The following CDCA7 variants were observed in gnomAD, a reference collection of about 807,000 sequenced individuals.
CDCA7 encodes cell division cycle-associated protein 7.
Under a neutral mutation model 54.0 loss-of-function variants are expected in CDCA7, and 28 were observed. That is an observed-to-expected ratio of 0.52 (90% CI 0.38 to 0.71). The LOEUF is 0.71. Among genes scored for constraint, CDCA7 ranks in the 30% least tolerant of loss-of-function variants. CDCA7 has a pLI of 0.00. For synonymous variants in CDCA7, 180 were observed against 208.2 expected (o/e 0.86, Z 1.16); for missense variants, 484 against 586.0 (o/e 0.83, Z 1.80).
In CDCA7 at chr2:173,366,445, C is replaced by T. The variant is rs375428799; in HGVS notation, c.1185+13C>T. The T allele has an allele frequency of 3.8e-5, 61 of 1,613,282 alleles. No homozygotes were observed. Among genetic ancestry groups the T allele is most frequent in the Non-Finnish European group, 4.9e-5 (58 of 1,179,604 alleles). On this transcript the variant is annotated intron_variant, in intron 8 of 9. Transcript: ENST00000306721. The surrounding 1 kb of genome is among the most constrained non-coding windows in gnomAD (Gnocchi z 4.5). Reference sequence around the variant, plus strand: ...TCTGCTGGATCCGGTAGGTGCCTGCCAGGGGTTGGTCCTGTGGGCTTGAAG... The same window carrying T: ...TCTGCTGGATCCGGTAGGTGCCTGCTAGGGGTTGGTCCTGTGGGCTTGAAG...
chr2:173,357,567 G>A (rs1686533257), intron 1 of CDCA7, among the ~76,000 whole-genome samples: 1 of 152,190 alleles, frequency 6.6e-6, no homozygotes, highest in Non-Finnish European at 1.5e-5. Context: ...TGAAGTAGAG[G>A]TCCTGCCCAG....
At chr2:173,359,698 C>T (rs769840371) in intron 3 of CDCA7, among the ~76,000 whole-genome samples, 2 of 152,184 alleles carry the variant, frequency 1.3e-5, no homozygotes, top group Non-Finnish European at 1.5e-5. Context: ...TTTGTAGGCT[C>T]TGAAAATTTG....
At chr2:173,355,115 T>C (rs879286463) in intron 1 of CDCA7, 131 bp downstream of exon 1, 151 of 1,059,180 alleles carry the variant, frequency 1.4e-4, no homozygotes, top group Non-Finnish European at 1.8e-4. Flanking sequence ...CGTTGCCCGC[T>C]TGGGCAAGCC....
chr2:173,355,045 G>A (rs28362634), intron 1 of CDCA7, 61 bp downstream of exon 1: 1 of 1,291,902 alleles, frequency 7.7e-7, no homozygotes, highest in South Asian at 2.5e-5. Flanking sequence ...GCAGGCGGGC[G>A]CGGGCCGACC....
rs1186693036 is a variant in CDCA7, at chr2:173,359,436, ACT to A, written c.332_333del (p.Ser111Ter). 6.2e-7 allele frequency: 1 copy of A among 1,614,152 alleles called. No individual in the cohort carries two copies. The highest frequency in any genetic ancestry group is 1.3e-5 in the African/African-American group (1 of 75,020). ...GAACTGGCCGGTATTTTTCATGCCG[ACT>A]CTGACGATGAATCATTTTGCGGTTT... On this transcript the variant is annotated frameshift_variant, in exon 3 of 10. Coordinates refer to ENST00000306721, the MANE Select transcript of CDCA7 (RefSeq NM_031942.5). LOFTEE classifies it high-confidence loss of function.
At chr2:173,363,741 A>G (rs1686666804) in intron 4 of CDCA7, 77 bp from the exon 5 acceptor site, 1 of 1,391,374 alleles carries the variant, frequency 7.2e-7, no homozygotes, top group Admixed American at 1.7e-5. Context: ...GTACTTGAGT[A>G]TTTTCCAGAA....
intron 2 of CDCA7, among the ~76,000 whole-genome samples, 172 bp from the exon 3 acceptor site, chr2:173,359,083 C>T (rs1480187778): frequency 6.6e-6 from 1 of 152,154 alleles, no homozygotes; most frequent in Non-Finnish European, 1.5e-5. Context: ...TGATGATTTG[C>T]CATAACAACT....
chr2:173,366,696 A>G lies in CDCA7; in HGVS notation c.1185+264A>G, dbSNP rs1230031632. Among the ~76,000 whole-genome samples, 1 of 151,946 alleles carries G rather than the reference A, an allele frequency of 6.6e-6. No homozygotes were observed. The highest frequency in any genetic ancestry group is 1.5e-5 in the Non-Finnish European group (1 of 67,978). ...TGGGACTACAGGCACGCGCCACCAC[A>G]CCTAGCTAATTTTTGTATTTTTAGT... On this transcript the variant is annotated intron_variant, in intron 8 of 9. Transcript: ENST00000306721. The surrounding 1 kb of genome is among the most constrained non-coding windows in gnomAD (Gnocchi z 4.5).
chr2:173,362,778 A>G (rs1446611790), intron 3 of CDCA7, among the ~76,000 whole-genome samples: 1 of 151,620 alleles, frequency 6.6e-6, no homozygotes, highest in African/African-American at 2.4e-5. Context: ...GGGTTTCACC[A>G]TGTTGCCCAG....
In CDCA7 at chr2:173,354,918, T is replaced by A. The variant is rs754845597; in HGVS notation, c.-46T>A. ...GTGGGACCGCTGACCGCGCGGCTGC[T>A]CCGCTCTCCCCGCTCCAAGCGCCGA... On this transcript the variant is annotated 5_prime_UTR_variant, in exon 1 of 10. Coordinates refer to ENST00000306721, the MANE Select transcript of CDCA7 (RefSeq NM_031942.5). The A allele has an allele frequency of 6.8e-7, 1 of 1,460,090 alleles. No individual in the cohort carries two copies. The highest frequency in any genetic ancestry group is 1.3e-5 in the South Asian group (1 of 77,970). 90.4% of individuals were successfully genotyped at this position (1,460,090 alleles called of 1,614,324 possible).
At chr2:173,358,003 A>G (rs572765338) in intron 1 of CDCA7, among the ~76,000 whole-genome samples, 3 of 152,084 alleles carry the variant, frequency 2.0e-5, no homozygotes, top group South Asian at 2.1e-4. Context: ...GATTGAGACC[A>G]TTCTGGCTAA....
At position 173,359,368 on chromosome 2, in the gene CDCA7, C is replaced by A; in HGVS notation, c.261C>A (p.Asp87Glu). The stretch of plus-strand genomic sequence containing the variant: ...AAAGTGAGGTGCAAGATGTATTAGA[C>A]CATTGTGGATTTTTACAGAAACCAA... ...FSESEVQDVL[D>E]HCGFLQKPRP... Residue 87 changes from aspartate (D) to glutamate (E), a missense_variant, in exon 3 of 10, where the codon GAC (aspartate) becomes GAA (glutamate). Physicochemically the swap from Asp to Glu is conservative, Grantham distance 45 (BLOSUM62 2). Around this residue, in one of 3 missense-constraint regions of CDCA7, gnomAD observed 398 missense variants for 447.4 expected, o/e 0.89. Transcript: ENST00000306721. 4 of 1,614,082 alleles carry A rather than the reference C, an allele frequency of 2.5e-6. No individual in the cohort carries two copies. Among genetic ancestry groups the A allele is most frequent in the Non-Finnish European group, 3.4e-6 (4 of 1,180,012 alleles).
At chr2:173,363,050 A>G (rs1686652249) in intron 3 of CDCA7, among the ~76,000 whole-genome samples, 176 bp from the exon 4 acceptor site, 2 of 152,198 alleles carry the variant, frequency 1.3e-5, no homozygotes, top group Non-Finnish European at 2.9e-5. Context: ...GGCTACATGG[A>G]ATTAAACTGC....
chr2:173,367,930 C>A lies in CDCA7; in HGVS notation c.*266C>A. The A allele has an allele frequency of 2.0e-6, 1 of 500,746 alleles. No individual in the cohort carries two copies. The allele number at this position is 500,746 out of a possible 1,614,324, so 31.0% of individuals were successfully genotyped here. ...TCTATTTCCAATGCTCCTCTCCAAC[C>A]GCTTAGTTTCTGAATTTCTTTTAAA... On this transcript the variant is annotated 3_prime_UTR_variant, in exon 10 of 10. Transcript: ENST00000306721.
In CDCA7 at chr2:173,366,485, G is replaced by C; in HGVS notation, c.1185+53G>C. 1 of 1,598,128 alleles carries C rather than the reference G, an allele frequency of 6.3e-7. No individual in the cohort carries two copies. Among genetic ancestry groups the C allele is most frequent in the Non-Finnish European group, 8.5e-7 (1 of 1,170,494 alleles). On this transcript the variant is annotated intron_variant, in intron 8 of 9. Transcript: ENST00000306721. This position sits in a 1 kb window ranked among gnomAD's most constrained non-coding sequence, Gnocchi z 4.5. ...TGGGCTTGAAGGTCAGCCACAAACT[G>C]TGATGAGGCCAGAAAAAGGCATTGG...
chr2:173,355,391 G>A (rs138427031), intron 1 of CDCA7, among the ~76,000 whole-genome samples: 1 of 152,002 alleles, frequency 6.6e-6, no homozygotes, highest in African/African-American at 2.4e-5. Context: ...CACACAACTC[G>A]GAGCCAGTGC....
intron 2 of CDCA7, 43 bp from the exon 3 acceptor site, chr2:173,359,212 A>G (rs781675874): frequency 9.7e-6 from 15 of 1,552,566 alleles, no homozygotes; most frequent in Non-Finnish European, 1.3e-5. Flanking sequence ...GTTCTTGAAA[A>G]AGAAAAAAAA....
chr2:173,359,577 T>A, intron 3 of CDCA7, 86 bp downstream of exon 3: 1 of 1,224,286 alleles, frequency 8.2e-7, no homozygotes, highest in Non-Finnish European at 1.2e-6. Context: ...CTTGTGATTT[T>A]GATTTTAGTC....
At chr2:173,358,964 A>G (rs952699668) in intron 2 of CDCA7, 127 bp downstream of exon 2, 22 of 1,250,256 alleles carry the variant, frequency 1.8e-5, no homozygotes, top group Non-Finnish European at 2.1e-5. Context: ...AAAATACAGT[A>G]TGCACTATAA....
Sources: allele counts gnomAD v4.1 joint callset (sites outside exome capture counted in the v4.1 genomes callset), GRCh38; gene constraint gnomAD v4.1.1; regional missense constraint gnomAD v4.1.1; non-coding constraint Gnocchi (gnomAD v3.1); transcripts MANE v1.5; gene names NCBI Gene and HGNC (gene_info 2026-07-23, HGNC 2026-07-21).